The following NHEJ1 variants were observed in gnomAD, a reference collection of about 807,000 sequenced individuals.
NHEJ1 encodes non-homologous end-joining factor 1.
Under a neutral mutation model 39.4 loss-of-function variants are expected in NHEJ1, and 22 were observed. The ratio of observed to expected loss-of-function variants is 0.56; its 90% CI spans 0.40 to 0.80. The LOEUF is 0.80. Ranked by LOEUF, NHEJ1 falls within the 30% of genes least tolerant of loss-of-function variation. The pLI, the probability that NHEJ1 is intolerant of heterozygous loss-of-function variation, is 0.00. For missense variants in NHEJ1, 329 were observed against 357.1 expected, an observed-to-expected ratio of 0.92 and a Z score of 0.63; for synonymous variants, 154 against 135.6, an observed-to-expected ratio of 1.14 and a Z score of -0.94.
At position 219,157,526 on chromosome 2, in the gene NHEJ1, G is replaced by A; in HGVS notation, c.336C>T (p.Leu112=). 13 of 1,614,208 alleles carry A rather than the reference G, an allele frequency of 8.1e-6. No individual in the cohort carries two copies. Among genetic ancestry groups the A allele is most frequent in the Non-Finnish European group, 1.0e-5 (12 of 1,180,048 alleles). ...AATTCCAATAGAAGGGGAGGCCAGA[G>A]AGCTCACTTCGCACCCGTAGAATCA... ...DALILRVRSE[L]SGLPFYWNFH... is the part of the protein sequence containing the mutation. Residue 112 remains leucine (L), a synonymous_variant, in exon 3 of 8, where the codon CTC becomes CTT. Coordinates refer to ENST00000356853, the MANE Select transcript of NHEJ1 (RefSeq NM_024782.3).
At chr2:219,159,942 G>A (rs1340434740) in intron 1 of NHEJ1, among the ~76,000 whole-genome samples, 1 of 152,040 alleles carries the variant, frequency 6.6e-6, no homozygotes, top group East Asian at 1.9e-4. Flanking sequence ...AAAGGGGGAG[G>A]AGTTTAAAAT....
chr2:219,137,595 A>AAAAAAAAAAAAAAAAT (rs143557047), intron 5 of NHEJ1, among the ~76,000 whole-genome samples: 1 of 82,668 alleles, frequency 1.2e-5, no homozygotes, highest in Non-Finnish European at 3.0e-5. Flanking sequence ...AAAAAAAACA[A>AAAAAAAAAAAAAAAAT]AAAAAACTGA....
At chr2:219,104,363 G>C (rs13394499) in intron 5 of NHEJ1, among the ~76,000 whole-genome samples, 15,729 of 152,250 alleles carry the variant, frequency 0.1, 821 homozygotes, top group East Asian at 0.13. Flanking sequence ...TAGCTAGAGA[G>C]CTCCAGAACT....
In NHEJ1 at chr2:219,070,992, A is replaced by C. The variant is rs1434224158; in HGVS notation, c.*5389T>G. Reference sequence around the variant, plus strand: ...CTCTCACGTGACAGGACGCCCTGAAATCCCCGCTAGGCAACAATGCTAAAT... The same window carrying C: ...CTCTCACGTGACAGGACGCCCTGAACTCCCCGCTAGGCAACAATGCTAAAT... On this transcript the variant is annotated 3_prime_UTR_variant, in exon 8 of 8. Coordinates refer to ENST00000356853, the MANE Select transcript of NHEJ1 (RefSeq NM_024782.3). Among the ~76,000 whole-genome samples the C allele has an allele frequency of 6.6e-6, 1 of 152,140 alleles. No homozygotes were observed. Among genetic ancestry groups the C allele is most frequent in the Non-Finnish European group, 1.5e-5 (1 of 68,022 alleles).
chr2:219,122,414 A>G (rs540149919), intron 5 of NHEJ1, among the ~76,000 whole-genome samples: 2 of 152,322 alleles, frequency 1.3e-5, no homozygotes, highest in East Asian at 3.9e-4. Context: ...TCTTGGGGGC[A>G]GGAATCATGT....
chr2:219,141,155 G>A (rs1437146983), intron 5 of NHEJ1, among the ~76,000 whole-genome samples: 2 of 152,170 alleles, frequency 1.3e-5, no homozygotes, highest in Non-Finnish European at 2.9e-5. Context: ...CAAGGCAGGT[G>A]GATCACCTGA....
intron 5 of NHEJ1, among the ~76,000 whole-genome samples, chr2:219,140,230 G>A (rs1949677600): frequency 6.6e-6 from 1 of 152,226 alleles, no homozygotes; most frequent in Non-Finnish European, 1.5e-5. Context: ...TGTAGGAGAT[G>A]AGGTCAGAAA....
chr2:219,129,762 G>A (rs141589477), intron 5 of NHEJ1, among the ~76,000 whole-genome samples: 53 of 152,336 alleles, frequency 3.5e-4, no homozygotes, highest in African/African-American at 1.3e-3. Context: ...CGCCCTGCGC[G>A]GCCAGGGGAG....
chr2:219,117,756 G>GATAA (rs1949429683), intron 5 of NHEJ1, among the ~76,000 whole-genome samples: 1 of 152,192 alleles, frequency 6.6e-6, no homozygotes, highest in African/African-American at 2.4e-5. Flanking sequence ...TTTATTAGCT[G>GATAA]TGCGACTTTG....
In NHEJ1 at chr2:219,074,157, G is replaced by A. The variant is rs1306661012; in HGVS notation, c.*2224C>T. On this transcript the variant is annotated 3_prime_UTR_variant, in exon 8 of 8. Coordinates refer to ENST00000356853, the MANE Select transcript of NHEJ1 (RefSeq NM_024782.3). ...ACAGCAACCTTTGGGGATGATGGGG[G>A]CAGTGGATGGAAGGTTACTAGCTAT... is the stretch of plus-strand genomic sequence containing the variant. Among the ~76,000 whole-genome samples, 1 of 152,224 alleles carries A rather than the reference G, an allele frequency of 6.6e-6. No individual in the cohort carries two copies. Among genetic ancestry groups the A allele is most frequent in the Non-Finnish European group, 1.5e-5 (1 of 68,026 alleles).
At chr2:219,155,371 C>T (rs1949843303) in intron 3 of NHEJ1, among the ~76,000 whole-genome samples, 1 of 151,682 alleles carries the variant, frequency 6.6e-6, no homozygotes, top group Non-Finnish European at 1.5e-5. Context: ...TCGAGACCAC[C>T]CTGGTCAACA....
intron 5 of NHEJ1, among the ~76,000 whole-genome samples, chr2:219,082,730 C>A (rs73991020): frequency 0.035 from 5,370 of 152,308 alleles, 329 homozygotes; most frequent in African/African-American, 0.12. Flanking sequence ...CAGCCCCAAG[C>A]CCCTCGCACT....
At chr2:219,121,974 C>G (rs541900899) in intron 5 of NHEJ1, among the ~76,000 whole-genome samples, 85 of 152,014 alleles carry the variant, frequency 5.6e-4, no homozygotes, top group African/African-American at 1.9e-3. Context: ...CAAAATATAC[C>G]AAGAACTATA....
intron 3 of NHEJ1, among the ~76,000 whole-genome samples, chr2:219,155,681 G>A (rs1158676304): frequency 6.6e-6 from 1 of 152,132 alleles, no homozygotes; most frequent in Non-Finnish European, 1.5e-5. Flanking sequence ...CCAGCACTTT[G>A]GGAGGCCGAG....
chr2:219,138,379 AG>A (rs35939462), intron 5 of NHEJ1, among the ~76,000 whole-genome samples: 1 of 152,248 alleles, frequency 6.6e-6, no homozygotes, highest in African/African-American at 2.4e-5. Context: ...CAAATAAGGC[AG>A]GTGGTAGAAT....
chr2:219,080,382 G>A (rs1010143084), intron 5 of NHEJ1, among the ~76,000 whole-genome samples: 11 of 151,886 alleles, frequency 7.2e-5, no homozygotes, highest in South Asian at 2.1e-4. Flanking sequence ...AAAATTAGCC[G>A]GGCACGGTGG....
At chr2:219,135,539 G>T (rs187194075) in intron 5 of NHEJ1, among the ~76,000 whole-genome samples, 2 of 152,206 alleles carry the variant, frequency 1.3e-5, no homozygotes, top group East Asian at 3.9e-4. Flanking sequence ...AACCCAGGAG[G>T]CAGAGGTTGC....
rs190854304 is a variant in NHEJ1, at chr2:219,077,648, T to G, written c.707-284A>C. 6.7e-5 allele frequency among the ~76,000 whole-genome samples: 10 copies of G among 148,722 alleles called. No homozygotes were observed. The East Asian group carries it at 1.8e-3, about 26-fold the overall frequency. The stretch of plus-strand genomic sequence containing the variant: ...CCTCACATGTCTCAGGTATGGAGAT[T>G]AATTTTTTTTTTTTTTAAAGAGATG... On this transcript the variant is annotated intron_variant, in intron 6 of 7. Coordinates refer to ENST00000356853, the MANE Select transcript of NHEJ1 (RefSeq NM_024782.3).
chr2:219,083,280 C>T (rs1052173050), intron 5 of NHEJ1, among the ~76,000 whole-genome samples: 6 of 152,040 alleles, frequency 3.9e-5, no homozygotes, highest in African/African-American at 1.5e-4. Context: ...ATCCCTAAAT[C>T]AAAGATAACC....
Sources: gnomAD v4.1 joint callset for allele counts (sites outside exome capture counted in the v4.1 genomes callset) on GRCh38, gnomAD v4.1.1 for gene constraint, MANE v1.5 for transcripts, NCBI Gene and HGNC (gene_info 2026-07-23, HGNC 2026-07-21) for gene names.